The following CIB2 variants were observed in gnomAD, a reference collection of about 807,000 sequenced individuals.
CIB2 encodes the protein calcium and integrin binding family member 2, also known as calcium and integrin-binding family member 2.
Under a neutral mutation model 23.1 loss-of-function variants are expected in CIB2, and 19 were observed. That is an observed-to-expected ratio of 0.82 (90% CI 0.57 to 1.21). CIB2 has a LOEUF of 1.21. Among genes scored for constraint, CIB2 ranks in the 50% most tolerant of loss-of-function variants. CIB2 has a pLI of 0.00. For missense variants in CIB2, 220 were observed against 241.5 expected (o/e 0.91, Z 0.59); for synonymous variants, 94 against 91.7 (o/e 1.03, Z -0.14).
rs760922217 is a variant in CIB2 at position 78,111,280 on chromosome 15, G to C, written c.87-4C>G. 1.9e-6 allele frequency: 3 copies of C among 1,612,654 alleles called. No individual in the cohort carries two copies. In the African/African-American group the frequency reaches 4.0e-5, roughly 22 times the overall value. Reference sequence around the variant, plus strand: ...CTCATAGAATCGCGAATGCAGCCTTGGAGGAAAGCAGAGAAAAAGCGCTGG... The same window carrying C: ...CTCATAGAATCGCGAATGCAGCCTTCGAGGAAAGCAGAGAAAAAGCGCTGG... On this transcript the variant is annotated splice_region_variant and splice_polypyrimidine_tract_variant and intron_variant, in intron 2 of 5. Coordinates refer to ENST00000258930, the MANE Select transcript of CIB2 (RefSeq NM_006383.4).
rs757007957 is a variant in CIB2, at chr15:78,111,165, C to T, written c.198G>A (p.Arg66=). The T allele has an allele frequency of 6.2e-6, 10 of 1,613,768 alleles. No individual in the cohort carries two copies. The East Asian group carries it at 2.2e-4, about 36-fold the overall frequency. Residue 66 remains arginine, a splice_region_variant and synonymous_variant, in exon 3 of 6, where the codon CGG becomes CGA. Coordinates refer to ENST00000258930, the MANE Select transcript of CIB2 (RefSeq NM_006383.4). ...CGCCAGCAAGAGGTCCTGCACATACCCGGAGCTCTGGCATCTGGATGATGA... is the reference window on the plus strand; with the variant it reads ...CGCCAGCAAGAGGTCCTGCACATACTCGGAGCTCTGGCATCTGGATGATGA... ...MSLIIQMPEL[R]ENPFKERIVA...
chr15:78,115,676 C>CTTTTTTT (rs56754406), intron 2 of CIB2, among the ~76,000 whole-genome samples: 37 of 71,302 alleles, frequency 5.2e-4, no homozygotes, highest in Non-Finnish European at 6.0e-4. Flanking sequence ...ATCTCCTTCT[C>CTTTTTTT]TTTTTTTTTT....
chr15:78,112,562 G>C (rs1030089565), intron 2 of CIB2, among the ~76,000 whole-genome samples: 1 of 152,186 alleles, frequency 6.6e-6, no homozygotes, highest in Admixed American at 6.5e-5. Flanking sequence ...GCGAGACCCT[G>C]CCTCTAAAAA....
chr15:78,106,967 G>A (rs1457849856), intron 4 of CIB2, among the ~76,000 whole-genome samples: 2 of 152,140 alleles, frequency 1.3e-5, no homozygotes, highest in African/African-American at 4.8e-5. Context: ...GGTGGTTCAC[G>A]CCTGTAATCC....
At chr15:78,125,664 A>C (rs2074372200) in intron 1 of CIB2, among the ~76,000 whole-genome samples, 1 of 152,198 alleles carries the variant, frequency 6.6e-6, no homozygotes, top group Non-Finnish European at 1.5e-5. Flanking sequence ...AGATCTCTTG[A>C]ATCAGAAACT....
At chr15:78,128,745 A>G (rs1252021694) in intron 1 of CIB2, among the ~76,000 whole-genome samples, 1 of 147,966 alleles carries the variant, frequency 6.8e-6, no homozygotes, top group African/African-American at 2.5e-5. Context: ...GAGTGAGAGA[A>G]CTAAGAGGGC....
chr15:78,120,232 A>G (rs2074299667), intron 2 of CIB2, among the ~76,000 whole-genome samples: 1 of 152,192 alleles, frequency 6.6e-6, no homozygotes, highest in African/African-American at 2.4e-5. Flanking sequence ...AAACACATAC[A>G]AAAGAAAAAC....
chr15:78,126,539 T>C (rs1334969057), intron 1 of CIB2, among the ~76,000 whole-genome samples: 3 of 152,198 alleles, frequency 2.0e-5, no homozygotes, highest in Non-Finnish European at 2.9e-5. Flanking sequence ...GGCCACTGCC[T>C]ATGACTACAA....
At chr15:78,109,768 C>T (rs1024832309) in intron 3 of CIB2, among the ~76,000 whole-genome samples, 5 of 144,010 alleles carry the variant, frequency 3.5e-5, no homozygotes, top group Non-Finnish European at 7.5e-5. Flanking sequence ...GATCGTCCCA[C>T]TGCACTCCAG....
intron 2 of CIB2, among the ~76,000 whole-genome samples, chr15:78,122,171 G>T (rs753346239): frequency 6.6e-6 from 1 of 152,232 alleles, no homozygotes; most frequent in Non-Finnish European, 1.5e-5. Flanking sequence ...TAGAGCAGCT[G>T]GGATAGCACT....
rs1348761686 is a variant in CIB2, at chr15:78,105,144, C to T, written c.*167G>A. 3 of 930,030 alleles carry T rather than the reference C, an allele frequency of 3.2e-6. No homozygotes were observed. Among genetic ancestry groups the T allele is most frequent in the Non-Finnish European group, 4.8e-6 (3 of 623,674 alleles). The allele number at this position is 930,030 out of a possible 1,614,324, so 57.6% of individuals were successfully genotyped here. On this transcript the variant is annotated 3_prime_UTR_variant, in exon 6 of 6. Transcript: ENST00000258930. The stretch of plus-strand genomic sequence containing the variant: ...TGGGAAGGGTCCTAACCTTCACAGG[C>T]CCCCTTCCTGGTTAAGGTTTTTTTT...
In CIB2 at chr15:78,105,802, C is replaced by T; in HGVS notation, c.479G>A (p.Gly160Asp). ...GTCAGCAAAGCCCAGCTTGCCGTCA[C>T]CGTCCAAGTCAGCCTCCTCAATGAC... ...DKVIEEADLD[G>D]DGKLGFADFE... The change falls in exon 5 of 6, where the codon GGT becomes GAT. Residue 160 changes from glycine (G) to aspartate (D), a missense_variant. Transcript: ENST00000258930. 1 of 1,614,234 alleles carries T rather than the reference C, an allele frequency of 6.2e-7. No homozygotes were observed. Among genetic ancestry groups the T allele is most frequent in the South Asian group, 1.1e-5 (1 of 91,088 alleles).
intron 1 of CIB2, 98 bp from the exon 2 acceptor site, chr15:78,123,837 G>A (rs983771857): frequency 5.5e-5 from 75 of 1,357,098 alleles, no homozygotes; most frequent in Non-Finnish European, 7.0e-5. Context: ...GGATAGCTCC[G>A]GACTGGGGAC....
At position 78,105,176 on chromosome 15, in the gene CIB2, A is replaced by T; in HGVS notation, c.*135T>A. ...CCTGGTTAAGGTTTTTTTTTTGCTG[A>T]AAGGGCCACAGGATATATTTGTGGT... On this transcript the variant is annotated 3_prime_UTR_variant, in exon 6 of 6. Transcript: ENST00000258930. The T allele has an allele frequency of 8.2e-7, 1 of 1,213,014 alleles. No homozygotes were observed. The highest frequency in any genetic ancestry group is 2.4e-5 in the Admixed American group (1 of 41,164). The allele number at this position is 1,213,014 out of a possible 1,614,324, so 75.1% of individuals were successfully genotyped here.
At chr15:78,130,771 C>G (rs1452395571) in intron 1 of CIB2, among the ~76,000 whole-genome samples, 2 of 152,162 alleles carry the variant, frequency 1.3e-5, no homozygotes, top group Non-Finnish European at 2.9e-5. Context: ...TTTACAGAGA[C>G]TCGCTCTCCT....
In CIB2 at chr15:78,123,743, T is replaced by G; in HGVS notation, c.52-4A>C. 6.2e-7 allele frequency: 1 copy of G among 1,614,068 alleles called. No individual in the cohort carries two copies. The highest frequency in any genetic ancestry group is 1.7e-5 in the Admixed American group (1 of 60,016). ...TCTTATTGAAGAAGGTGCAGTCCTG[T>G]TGAGGGAAAACACACAACACACAGT... On this transcript the variant is annotated splice_polypyrimidine_tract_variant and splice_region_variant and intron_variant, in intron 1 of 5. Coordinates refer to ENST00000258930, the MANE Select transcript of CIB2 (RefSeq NM_006383.4).
intron 2 of CIB2, among the ~76,000 whole-genome samples, chr15:78,118,602 A>AG (rs1425809995): frequency 6.6e-6 from 1 of 151,984 alleles, no homozygotes; most frequent in Non-Finnish European, 1.5e-5. Context: ...AAAAAAAAAA[A>AG]AAAAATTGTG....
intron 2 of CIB2, among the ~76,000 whole-genome samples, chr15:78,122,831 C>T (rs578199112): frequency 2.0e-5 from 3 of 152,300 alleles, no homozygotes; most frequent in South Asian, 2.1e-4. Context: ...AGAGGAAAGC[C>T]GAGAGGCACT....
chr15:78,106,320 C>T (rs982784760), intron 4 of CIB2, among the ~76,000 whole-genome samples: 13 of 152,286 alleles, frequency 8.5e-5, no homozygotes, highest in East Asian at 7.7e-4. Context: ...AAAGGCCATG[C>T]GATTGAATCA....
Sources: allele counts gnomAD v4.1 joint callset (sites outside exome capture counted in the v4.1 genomes callset), GRCh38; gene constraint gnomAD v4.1.1; transcripts MANE v1.5; gene names NCBI Gene and HGNC (gene_info 2026-07-23, HGNC 2026-07-21).